PCDH7: variants seen among roughly 807,000 people sequenced by gnomAD.
PCDH7 encodes the protein protocadherin 7, also known as protocadherin-7.
A neutral mutation model predicts 58.9 loss-of-function variants in PCDH7; 17 were observed. The ratio of observed to expected loss-of-function variants is 0.29; its 90% confidence interval spans 0.20 to 0.43. The LOEUF is 0.43. Ranked by LOEUF, PCDH7 falls within the 20% of genes least tolerant of loss-of-function variation. The pLI, the probability that PCDH7 is intolerant of heterozygous loss-of-function variation, is 1.00. For missense variants in PCDH7, 1,274 were observed against 1,441.0 expected, an observed-to-expected ratio of 0.88 and a Z score of 1.88; for synonymous variants, 664 against 616.4, an observed-to-expected ratio of 1.08 and a Z score of -1.14.
At chr4:31,043,666 G>A (rs1756062881) in intron 3 of PCDH7, among the ~76,000 whole-genome samples, 2 of 152,070 alleles carry the variant, frequency 1.3e-5, no homozygotes, top group African/African-American at 4.8e-5. Context: ...ATTTGTTTAA[G>A]TACCTTGTAG....
intron 2 of PCDH7, among the ~76,000 whole-genome samples, chr4:30,930,354 G>A (rs919289091): frequency 6.6e-6 from 1 of 152,330 alleles, no homozygotes; most frequent in East Asian, 1.9e-4. Context: ...ATTTTCCTTG[G>A]AATGATTCTG....
chr4:30,918,760 A>C (rs573785373), intron 1 of PCDH7, among the ~76,000 whole-genome samples: 1 of 152,154 alleles, frequency 6.6e-6, no homozygotes, highest in Admixed American at 6.6e-5. Context: ...AAATAAGTAC[A>C]TGAATTGTGA....
At chr4:30,943,552 C>T (rs1223596924) in intron 2 of PCDH7, among the ~76,000 whole-genome samples, 1 of 152,038 alleles carries the variant, frequency 6.6e-6, no homozygotes, top group Non-Finnish European at 1.5e-5. Context: ...TATATCTAGC[C>T]ATGCCTTTCT....
At chr4:30,893,660 A>T (rs985534577) in intron 1 of PCDH7, among the ~76,000 whole-genome samples, 3 of 152,122 alleles carry the variant, frequency 2.0e-5, no homozygotes, top group African/African-American at 4.8e-5. Context: ...GTTGAATATT[A>T]GTATGTGGCA....
At chr4:30,829,589 T>A (rs1368342225) in intron 1 of PCDH7, among the ~76,000 whole-genome samples, 1 of 152,044 alleles carries the variant, frequency 6.6e-6, no homozygotes, top group Non-Finnish European at 1.5e-5. Context: ...TGCAGCCCTA[T>A]TTCATGAAGC....
intron 1 of PCDH7, among the ~76,000 whole-genome samples, chr4:30,902,364 T>G (rs543067269): frequency 1.4e-3 from 208 of 152,232 alleles, no homozygotes; most frequent in African/African-American, 4.8e-3. Flanking sequence ...TAATTCATGA[T>G]CTGCCAATGT....
At chr4:31,046,257 A>G (rs1235689257) in intron 3 of PCDH7, among the ~76,000 whole-genome samples, 1 of 152,002 alleles carries the variant, frequency 6.6e-6, no homozygotes, top group African/African-American at 2.4e-5. Context: ...AATATACTTT[A>G]TGTAAGTTAT....
chr4:31,097,431 G>A (rs779255885), intron 3 of PCDH7, among the ~76,000 whole-genome samples: 5 of 149,414 alleles, frequency 3.3e-5, no homozygotes, highest in South Asian at 4.2e-4. Context: ...TCCAGCCTGC[G>A]TTGTAGAGTA....
At chr4:30,892,469 G>T (rs1432236646) in intron 1 of PCDH7, among the ~76,000 whole-genome samples, 1 of 151,960 alleles carries the variant, frequency 6.6e-6, no homozygotes, top group East Asian at 1.9e-4. Flanking sequence ...AACTGAGAAG[G>T]CATTAAGACT....
chr4:31,094,120 G>T (rs1472070366), intron 3 of PCDH7, among the ~76,000 whole-genome samples: 1 of 152,054 alleles, frequency 6.6e-6, no homozygotes, highest in East Asian at 1.9e-4. Context: ...GAAAAATTGA[G>T]TGAAATAAAA....
intron 1 of PCDH7, among the ~76,000 whole-genome samples, chr4:30,896,146 C>G (rs1415861385): frequency 2.0e-5 from 3 of 152,158 alleles, no homozygotes; most frequent in Non-Finnish European, 4.4e-5. Flanking sequence ...TTCTAATGAA[C>G]AACTTCTGGC....
At chr4:31,061,717 T>C (rs1212604623) in intron 3 of PCDH7, among the ~76,000 whole-genome samples, 1 of 151,732 alleles carries the variant, frequency 6.6e-6, no homozygotes, top group African/African-American at 2.4e-5. Context: ...TTTTCTCCTT[T>C]TCTGGAATAA....
At chr4:31,006,137 T>C (rs992128768) in intron 3 of PCDH7, among the ~76,000 whole-genome samples, 2 of 152,228 alleles carry the variant, frequency 1.3e-5, no homozygotes, top group Non-Finnish European at 1.5e-5. Flanking sequence ...TTTAGAGCCA[T>C]TAAATCAAAT....
intron 3 of PCDH7, among the ~76,000 whole-genome samples, chr4:31,056,623 C>CAG (rs755004250): frequency 7.7e-6 from 1 of 129,912 alleles, no homozygotes; most frequent in Non-Finnish European, 1.6e-5. Flanking sequence ...GAGTGAAAGA[C>CAG]AGAGAGAGAG....
intron 1 of PCDH7, among the ~76,000 whole-genome samples, chr4:30,838,503 TC>T (rs1389467723): frequency 6.6e-6 from 1 of 151,978 alleles, no homozygotes; most frequent in Non-Finnish European, 1.5e-5. Context: ...GGGTTTTTTT[TC>T]CCCCTTTTAA....
At position 30,780,803 on chromosome 4, in the gene PCDH7, T is replaced by C. The variant is rs377715069; in HGVS notation, c.70+56207T>C. ...TCTTAGTATACTCGATTCTATTTTATGTAGGCTTCAGCTAAGTAGAGACAA... is the reference window on the plus strand; with the variant it reads ...TCTTAGTATACTCGATTCTATTTTACGTAGGCTTCAGCTAAGTAGAGACAA... On this transcript the variant is annotated intron_variant, in intron 1 of 3. Transcript: ENST00000509759. Among the ~76,000 whole-genome samples the C allele has an allele frequency of 9.8e-5, 15 of 152,318 alleles. No homozygotes were observed. The East Asian group carries it at 2.5e-3, about 26-fold the overall frequency.
At chr4:30,966,369 TC>T (rs1748993968) in intron 3 of PCDH7, among the ~76,000 whole-genome samples, 1 of 152,170 alleles carries the variant, frequency 6.6e-6, no homozygotes, top group Admixed American at 6.5e-5. Flanking sequence ...AAAAATATAT[TC>T]TTTTGATTTT....
chr4:31,083,842 A>G (rs1177933758), intron 3 of PCDH7, among the ~76,000 whole-genome samples: 1 of 152,228 alleles, frequency 6.6e-6, no homozygotes, highest in African/African-American at 2.4e-5. Flanking sequence ...AGCATATTTT[A>G]CTTGTACCAC....
chr4:30,887,581 CA>C (rs1737995624), intron 1 of PCDH7, among the ~76,000 whole-genome samples: 1 of 152,166 alleles, frequency 6.6e-6, no homozygotes, highest in East Asian at 1.9e-4. Flanking sequence ...ATAAAAAATA[CA>C]TTTCTTCTAA....
Sources: gnomAD v4.1 joint callset for allele counts (sites outside exome capture counted in the v4.1 genomes callset) on GRCh38, gnomAD v4.1.1 for gene constraint, MANE v1.5 for transcripts, NCBI Gene and HGNC (gene_info 2026-07-23, HGNC 2026-07-21) for gene names.